ICA1: variants seen among roughly 807,000 people sequenced by gnomAD.
ICA1 encodes the protein islet cell autoantigen 1.
A neutral mutation model predicts 71.0 loss-of-function variants in ICA1; 40 were observed. The observed-to-expected ratio is 0.56, with a 90% CI of 0.44 to 0.73. ICA1 has a LOEUF of 0.73. ICA1 is among the 30% of genes least tolerant of loss of function. The pLI, the probability that ICA1 is intolerant of heterozygous loss-of-function variation, is 0.00. For synonymous variants in ICA1, 207 were observed against 209.5 expected (o/e 0.99, Z 0.10); for missense variants, 578 against 576.5 (o/e 1.00, Z -0.03).
chr7:8,259,970 T>G (rs549167219), intron 1 of ICA1, among the ~76,000 whole-genome samples: 13 of 152,184 alleles, frequency 8.5e-5, no homozygotes, highest in African/African-American at 2.9e-4. Flanking sequence ...TTATTAATGG[T>G]TCCCATAAAT....
intron 1 of ICA1, among the ~76,000 whole-genome samples, chr7:8,247,089 T>C (rs1411698613): frequency 2.0e-5 from 3 of 152,108 alleles, no homozygotes; most frequent in African/African-American, 4.8e-5. Context: ...CTCAATTTTA[T>C]TCCCCCGTGT....
rs931968125 is a variant in ICA1, at chr7:8,222,113, G to C, written c.257-715C>G. ...AATCATAGAATTACATGTATCTTTG[G>C]ACTCTCCATGTCTACTGTTAGGAGA... On this transcript the variant is annotated intron_variant, in intron 4 of 13. Coordinates refer to ENST00000402384, the MANE Select transcript of ICA1 (RefSeq NM_001136020.3). The surrounding 1 kb of genome is among the most constrained non-coding windows in gnomAD (Gnocchi z 4.8). 1.3e-5 allele frequency among the ~76,000 whole-genome samples: 2 copies of C among 152,138 alleles called. No individual in the cohort carries two copies. The highest frequency in any genetic ancestry group is 2.1e-4 in the South Asian group (1 of 4,830).
At chr7:8,199,055 C>T (rs1788643561) in intron 6 of ICA1, among the ~76,000 whole-genome samples, 3 of 152,124 alleles carry the variant, frequency 2.0e-5, no homozygotes, top group Admixed American at 6.5e-5. Context: ...ATCATCTCAC[C>T]CCAGTTAAAA....
At chr7:8,127,839 C>CA (rs112451631) in intron 13 of ICA1, 34 bp downstream of exon 13, 4 of 1,548,184 alleles carry the variant, frequency 2.6e-6, no homozygotes, top group Non-Finnish European at 3.5e-6. Context: ...AATGAACAAA[C>CA]AAAAAACCCC....
chr7:8,121,906 A>G (rs1787112075), intron 13 of ICA1, among the ~76,000 whole-genome samples: 1 of 152,226 alleles, frequency 6.6e-6, no homozygotes, highest in Non-Finnish European at 1.5e-5. Flanking sequence ...ACAGAAATTA[A>G]AAGTTAAAAT....
In ICA1 at chr7:8,113,226, A is replaced by C. The variant is rs566208919; in HGVS notation, c.*697T>G. The C allele has an allele frequency of 2.2e-4, 34 of 152,068 alleles. No homozygotes were observed. The highest frequency in any genetic ancestry group is 7.7e-4 in the African/African-American group (32 of 41,530). The allele number at this position is 152,068 out of a possible 1,614,324, so 9.4% of individuals were successfully genotyped here. A position where few individuals can be genotyped will look rare whatever the true frequency, so the allele number is the denominator to read the frequency against. On this transcript the variant is annotated 3_prime_UTR_variant, in exon 14 of 14. Coordinates refer to ENST00000402384, the MANE Select transcript of ICA1 (RefSeq NM_001136020.3). The surrounding 1 kb of genome is among the most constrained non-coding windows in gnomAD (Gnocchi z 4.2). Reference sequence around the variant, plus strand: ...TTTTCTGTTTAATTAAAAAAAAAAAAAAAACAATGTCACAAGAGGCTTCAG... The same window carrying C: ...TTTTCTGTTTAATTAAAAAAAAAAACAAAACAATGTCACAAGAGGCTTCAG...
rs568479011 is a variant in ICA1, at chr7:8,142,436, T to C, written c.903-619A>G. ...TTTAAATAGTTACTGGGTTATACTT[T>C]GTGAGCTTTCAAAAATGAAGCACTG... On this transcript the variant is annotated intron_variant, in intron 9 of 13. Transcript: ENST00000402384. Among the ~76,000 whole-genome samples, 29 of 152,382 alleles carry C rather than the reference T, an allele frequency of 1.9e-4. 1 individual carries two copies. In the South Asian group the frequency reaches 6.0e-3, roughly 32 times the overall value.
intron 1 of ICA1, among the ~76,000 whole-genome samples, chr7:8,260,724 A>C (rs1220432955): frequency 6.6e-6 from 1 of 152,248 alleles, no homozygotes; most frequent in Non-Finnish European, 1.5e-5. Context: ...GGTGTTTCAA[A>C]AATAAAGACT....
intron 7 of ICA1, 53 bp from the exon 8 acceptor site, chr7:8,157,267 C>G: frequency 6.7e-7 from 1 of 1,493,966 alleles, no homozygotes; most frequent in South Asian, 1.3e-5. Flanking sequence ...AGTTCTAGTC[C>G]TGGTCCCCAG....
At chr7:8,206,732 T>C in intron 6 of ICA1, among the ~76,000 whole-genome samples, 1 of 71,510 alleles carries the variant, frequency 1.4e-5, no homozygotes, top group Non-Finnish European at 2.3e-5. Flanking sequence ...AGGTTTAAAA[T>C]GAAAAAAAAA....
chr7:8,113,231 CAAT>C lies in ICA1; in HGVS notation c.*689_*691del, dbSNP rs1285300469. The C allele has an allele frequency of 1.5e-5, 2 of 129,960 alleles. No individual in the cohort carries two copies. Among genetic ancestry groups the C allele is most frequent in the African/African-American group, 5.3e-5 (2 of 37,776 alleles). 8.1% of individuals were successfully genotyped at this position (129,960 alleles called of 1,614,324 possible). On this transcript the variant is annotated 3_prime_UTR_variant, in exon 14 of 14. Transcript: ENST00000402384. The surrounding 1 kb of genome is among the most constrained non-coding windows in gnomAD (Gnocchi z 4.2). ...TGTTTAATTAAAAAAAAAAAAAAAA[CAAT>C]GTCACAAGAGGCTTCAGAAATACAT...
intron 6 of ICA1, among the ~76,000 whole-genome samples, chr7:8,206,324 T>C (rs1459306128): frequency 6.6e-6 from 1 of 152,072 alleles, no homozygotes; most frequent in Non-Finnish European, 1.5e-5. Flanking sequence ...CTTTCGAAAA[T>C]GACTTCATCC....
At chr7:8,124,454 GAA>G (rs573367505) in intron 13 of ICA1, among the ~76,000 whole-genome samples, 23 of 114,560 alleles carry the variant, frequency 2.0e-4, no homozygotes, top group African/African-American at 5.6e-4. Flanking sequence ...TGAATGCAGT[GAA>G]AAAAAAAAAA....
intron 1 of ICA1, among the ~76,000 whole-genome samples, chr7:8,251,235 TGTTATATACAATGATTAA>T (rs1808079330): frequency 6.6e-6 from 1 of 152,036 alleles, no homozygotes. Flanking sequence ...AGAACTCAGG[TGTTATATACAATGATTAA>T]GTTATATACA....
chr7:8,240,046 G>A (rs1303983267), intron 1 of ICA1, among the ~76,000 whole-genome samples: 2 of 152,276 alleles, frequency 1.3e-5, no homozygotes, highest in East Asian at 3.9e-4. Context: ...AGAGAGCAGT[G>A]GTTCTCCCAG....
At chr7:8,170,290 T>C (rs1807824954) in intron 6 of ICA1, among the ~76,000 whole-genome samples, 1 of 152,040 alleles carries the variant, frequency 6.6e-6, no homozygotes, top group South Asian at 2.1e-4. Flanking sequence ...ATCTTACTCT[T>C]TTGTTCTTGT....
intron 12 of ICA1, among the ~76,000 whole-genome samples, chr7:8,137,641 T>C (rs1307848018): frequency 6.6e-6 from 1 of 152,254 alleles, no homozygotes; most frequent in Non-Finnish European, 1.5e-5. Context: ...CTGGTATGAT[T>C]TCAATATTTA....
intron 4 of ICA1, among the ~76,000 whole-genome samples, chr7:8,225,380 C>G (rs1393101246): frequency 6.6e-6 from 1 of 152,096 alleles, no homozygotes; most frequent in Non-Finnish European, 1.5e-5. Flanking sequence ...CAAATTGTGC[C>G]AGCTTTGATC....
intron 1 of ICA1, among the ~76,000 whole-genome samples, chr7:8,255,406 A>G (rs993627962): frequency 7.9e-5 from 12 of 151,818 alleles, no homozygotes; most frequent in Non-Finnish European, 1.8e-4. Context: ...TATCTTTTCA[A>G]TTTTCTTTGC....
Sources: gnomAD v4.1 joint callset for allele counts (sites outside exome capture counted in the v4.1 genomes callset) on GRCh38, gnomAD v4.1.1 for gene constraint, Gnocchi (gnomAD v3.1) non-coding constraint, MANE v1.5 for transcripts, NCBI Gene and HGNC (gene_info 2026-07-23, HGNC 2026-07-21) for gene names.